Variants in DOCK3 observed in about 807,000 individuals in gnomAD.
DOCK3 encodes the protein dedicator of cytokinesis protein 3.
A neutral mutation model predicts 265.6 loss-of-function variants in DOCK3; 60 were observed. The ratio of observed to expected loss-of-function variants is 0.23; its 90% CI spans 0.18 to 0.28. DOCK3 has a LOEUF of 0.28. Ranked by LOEUF, DOCK3 falls within the 10% of genes least tolerant of loss-of-function variation. DOCK3 has a pLI of 1.00. For missense variants in DOCK3, 1,981 were observed against 2,594.3 expected (o/e 0.76, Z 5.14); for synonymous variants, 881 against 938.0 (o/e 0.94, Z 1.11).
chr3:51,362,427 T>C lies in DOCK3; in HGVS notation c.5146-100T>C. ...GGGCTCAGGGGATAGCATAAGGCAC[T>C]GGGGCAGAACACCTCAGGGCATGAA... On this transcript the variant is annotated intron_variant, in intron 48 of 52. Transcript: ENST00000266037. The C allele has an allele frequency of 2.7e-6, 4 of 1,490,958 alleles. No individual in the cohort carries two copies. In the South Asian group the frequency reaches 5.0e-5, roughly 19 times the overall value. 92.4% of individuals were successfully genotyped at this position (1,490,958 alleles called of 1,614,324 possible).
intron 5 of DOCK3, among the ~76,000 whole-genome samples, chr3:50,994,880 G>A (rs2078225850): frequency 6.6e-6 from 1 of 152,168 alleles, no homozygotes. Context: ...AATGTTACCT[G>A]TTATCATCAT....
chr3:50,955,300 G>A (rs1338937847), intron 5 of DOCK3, among the ~76,000 whole-genome samples: 4 of 152,144 alleles, frequency 2.6e-5, no homozygotes, highest in Non-Finnish European at 1.5e-5. Context: ...GCTAAAAACA[G>A]AACTACTATT....
chr3:50,690,135 CTT>C (rs540586646), intron 1 of DOCK3, among the ~76,000 whole-genome samples: 34 of 139,586 alleles, frequency 2.4e-4, no homozygotes, highest in Non-Finnish European at 2.8e-4. Context: ...CTATTTTTAC[CTT>C]TTTTTTTTTT....
At chr3:50,703,345 G>A (rs1305547205) in intron 1 of DOCK3, among the ~76,000 whole-genome samples, 3 of 152,062 alleles carry the variant, frequency 2.0e-5, no homozygotes, top group Non-Finnish European at 4.4e-5. Flanking sequence ...TAGTATCAGA[G>A]TATTGCTTGC....
chr3:51,334,470 A>G (rs2084734608), intron 35 of DOCK3, among the ~76,000 whole-genome samples: 1 of 152,196 alleles, frequency 6.6e-6, no homozygotes, highest in African/African-American at 2.4e-5. Flanking sequence ...CTGCTATGCA[A>G]AAGATACAGG....
At chr3:51,184,840 A>G (rs1191683937) in intron 12 of DOCK3, among the ~76,000 whole-genome samples, 2 of 152,228 alleles carry the variant, frequency 1.3e-5, no homozygotes, top group East Asian at 1.9e-4. Context: ...TACTTCAACC[A>G]GATAATCAGG....
At chr3:51,067,670 T>G (rs1239841871) in intron 6 of DOCK3, among the ~76,000 whole-genome samples, 1 of 149,906 alleles carries the variant, frequency 6.7e-6, no homozygotes, top group Non-Finnish European at 1.5e-5. Context: ...CTCCTTTCCT[T>G]CAGTGGAAAA....
chr3:51,076,313 A>G (rs944864875), intron 7 of DOCK3, among the ~76,000 whole-genome samples: 1 of 152,170 alleles, frequency 6.6e-6, no homozygotes, highest in African/African-American at 2.4e-5. Context: ...GAGATTAAAG[A>G]TAGCTGGATG....
At chr3:50,940,976 T>C (rs1463223651) in intron 5 of DOCK3, among the ~76,000 whole-genome samples, 2 of 152,104 alleles carry the variant, frequency 1.3e-5, no homozygotes, top group African/African-American at 4.8e-5. Flanking sequence ...ACTAAAACTT[T>C]CGGAAGAAAA....
chr3:51,163,930 C>G (rs1160570511), intron 12 of DOCK3, among the ~76,000 whole-genome samples: 1 of 152,048 alleles, frequency 6.6e-6, no homozygotes, highest in Non-Finnish European at 1.5e-5. Flanking sequence ...TCATATGCAG[C>G]CATGTCATCG....
chr3:51,361,820 TG>T lies in DOCK3; in HGVS notation c.5007-36del, dbSNP rs1560504645. ...TCTACTGTCCCCCTGCCACCTGCCA[TG>T]GGCCTGACTCCTCCCTATTTCCCAC... On this transcript the variant is annotated intron_variant, in intron 47 of 52. Coordinates refer to ENST00000266037, the MANE Select transcript of DOCK3 (RefSeq NM_004947.5). The surrounding 1 kb of genome is among the most constrained non-coding windows in gnomAD (Gnocchi z 4.2). 2 of 1,601,214 alleles carry T rather than the reference TG, an allele frequency of 1.2e-6. No homozygotes were observed. The highest frequency in any genetic ancestry group is 1.7e-6 in the Non-Finnish European group (2 of 1,173,472).
intron 51 of DOCK3, among the ~76,000 whole-genome samples, chr3:51,378,830 T>C (rs1403429870): frequency 6.6e-6 from 1 of 152,222 alleles, no homozygotes; most frequent in Admixed American, 6.5e-5. Context: ...AAGGGCACTC[T>C]GTGCTTCCCT....
intron 5 of DOCK3, among the ~76,000 whole-genome samples, chr3:50,996,974 C>G (rs2078309853): frequency 3.9e-5 from 6 of 152,210 alleles, no homozygotes; most frequent in Non-Finnish European, 7.3e-5. Flanking sequence ...TTGTTCATCC[C>G]TGGCTCTTCA....
In DOCK3 at chr3:50,934,163, G is replaced by C. The variant is rs78601534; in HGVS notation, c.315+86G>C. On this transcript the variant is annotated intron_variant, in intron 5 of 52. Coordinates refer to ENST00000266037, the MANE Select transcript of DOCK3 (RefSeq NM_004947.5). ...TAAACTATGCTAAGTATGCATTTTAGATTTCTGAATATTTGCAGTTTATCA... is the reference window on the plus strand; with the variant it reads ...TAAACTATGCTAAGTATGCATTTTACATTTCTGAATATTTGCAGTTTATCA... 12 of 934,910 alleles carry C rather than the reference G, an allele frequency of 1.3e-5. No homozygotes were observed. In the Middle Eastern group the frequency reaches 6.8e-4, roughly 53 times the overall value. 57.9% of individuals were successfully genotyped at this position (934,910 alleles called of 1,614,324 possible).
chr3:51,260,480 G>A (rs1011894517), intron 23 of DOCK3, among the ~76,000 whole-genome samples, 154 bp downstream of exon 23: 1 of 152,168 alleles, frequency 6.6e-6, no homozygotes. Flanking sequence ...ACAACAAAAT[G>A]CTGCTTTTAC....
intron 4 of DOCK3, chr3:50,898,557 T>G (rs1310855712): frequency 2.6e-5 from 4 of 152,878 alleles, no homozygotes; most frequent in African/African-American, 9.6e-5. Context: ...TGCAGTTCTT[T>G]TAATTTTGAT....
intron 5 of DOCK3, among the ~76,000 whole-genome samples, chr3:51,025,629 T>C (rs1275620339): frequency 1.3e-5 from 2 of 152,210 alleles, no homozygotes; most frequent in Non-Finnish European, 2.9e-5. Flanking sequence ...ATGGGGTGTT[T>C]GTCCTCTCTT....
At chr3:50,947,126 T>C (rs1247477932) in intron 5 of DOCK3, among the ~76,000 whole-genome samples, 1 of 152,168 alleles carries the variant, frequency 6.6e-6, no homozygotes, top group Non-Finnish European at 1.5e-5. Flanking sequence ...TTTTATGTGA[T>C]ATAGTGAGCT....
chr3:51,350,940 A>G lies in DOCK3; in HGVS notation c.4107+548A>G, dbSNP rs557482441. 7.9e-5 allele frequency among the ~76,000 whole-genome samples: 12 copies of G among 152,342 alleles called. No homozygotes were observed. The South Asian group carries it at 1.7e-3, about 21-fold the overall frequency. ...GCTGCCAAGCACTGGGTTTGGCTGTAGAAAGCCTCTTCTAGGCAGCCAGTT... is the reference window on the plus strand; with the variant it reads ...GCTGCCAAGCACTGGGTTTGGCTGTGGAAAGCCTCTTCTAGGCAGCCAGTT... On this transcript the variant is annotated intron_variant, in intron 40 of 52. Coordinates refer to ENST00000266037, the MANE Select transcript of DOCK3 (RefSeq NM_004947.5).
Sources: allele counts gnomAD v4.1 joint callset (sites outside exome capture counted in the v4.1 genomes callset), GRCh38; gene constraint gnomAD v4.1.1; non-coding constraint Gnocchi (gnomAD v3.1); transcripts MANE v1.5; gene names NCBI Gene and HGNC (gene_info 2026-07-23, HGNC 2026-07-21).